Variants in NEGR1 observed in about 807,000 individuals in gnomAD.
NEGR1 encodes IgLON family member 4.
NEGR1 carries 10 observed loss-of-function variants against 40.9 expected under a neutral mutation model. The ratio of observed to expected loss-of-function variants is 0.24; its 90% confidence interval spans 0.15 to 0.42. The LOEUF (loss-of-function observed/expected upper bound fraction) is 0.42, where lower values mean the gene tolerates loss of function less well. Ranked by LOEUF, NEGR1 falls within the 10% of genes least tolerant of loss-of-function variation. The pLI, the probability that NEGR1 is intolerant of heterozygous loss-of-function variation, is 1.00. For synonymous variants in NEGR1, 185 were observed against 166.8 expected (o/e 1.11, Z -0.84); for missense variants, 352 against 438.9 (o/e 0.80, Z 1.77).
intron 1 of NEGR1, among the ~76,000 whole-genome samples, chr1:71,977,377 C>G (rs2100331263): frequency 6.6e-6 from 1 of 152,022 alleles, no homozygotes; most frequent in South Asian, 2.1e-4. Flanking sequence ...AAACAAAAAA[C>G]TAGAAAGTGC....
intron 2 of NEGR1, among the ~76,000 whole-genome samples, chr1:71,869,426 A>C (rs1414451354): frequency 2.6e-5 from 4 of 152,194 alleles, no homozygotes; most frequent in Non-Finnish European, 5.9e-5. Flanking sequence ...GTTAAAAATA[A>C]ATCTGAATAA....
intron 1 of NEGR1, among the ~76,000 whole-genome samples, chr1:72,055,991 T>C (rs889627587): frequency 1.3e-5 from 2 of 150,806 alleles, no homozygotes; most frequent in South Asian, 2.1e-4. Flanking sequence ...AATTCTGGTA[T>C]TAATTCTATA....
intron 1 of NEGR1, among the ~76,000 whole-genome samples, chr1:72,091,737 C>T (rs1648507874): frequency 6.6e-6 from 1 of 152,058 alleles, no homozygotes; most frequent in South Asian, 2.1e-4. Flanking sequence ...TGCGTTGCCA[C>T]AAAATACCCT....
chr1:71,620,758 T>C (rs192077378), intron 4 of NEGR1, among the ~76,000 whole-genome samples: 1 of 152,058 alleles, frequency 6.6e-6, no homozygotes, highest in East Asian at 1.9e-4. Context: ...GAAAATAATC[T>C]AGTTTGTAAT....
chr1:72,222,020 C>T (rs1442132796), intron 1 of NEGR1, among the ~76,000 whole-genome samples: 1 of 152,016 alleles, frequency 6.6e-6, no homozygotes, highest in African/African-American at 2.4e-5. Context: ...TCCAGACTGA[C>T]CCTGACACTG....
chr1:72,181,498 T>C (rs928020786), intron 1 of NEGR1, among the ~76,000 whole-genome samples: 4 of 152,064 alleles, frequency 2.6e-5, no homozygotes, highest in African/African-American at 4.8e-5. Flanking sequence ...AAAAACACTA[T>C]GGAATGTTCT....
chr1:72,197,634 T>C (rs895158235), intron 1 of NEGR1, among the ~76,000 whole-genome samples: 1 of 152,034 alleles, frequency 6.6e-6, no homozygotes, highest in Non-Finnish European at 1.5e-5. Flanking sequence ...CTTGACAATA[T>C]ATATTTCCAA....
chr1:71,741,649 G>C (rs1655217125), intron 3 of NEGR1, among the ~76,000 whole-genome samples: 1 of 152,128 alleles, frequency 6.6e-6, no homozygotes. Flanking sequence ...AAGTACATTA[G>C]ACCATTCTTT....
intron 2 of NEGR1, among the ~76,000 whole-genome samples, chr1:71,914,637 C>G (rs181712507): frequency 6.6e-6 from 1 of 152,288 alleles, no homozygotes; most frequent in Admixed American, 6.5e-5. Context: ...ATAGTTTACA[C>G]AAAGCATCCA....
intron 2 of NEGR1, among the ~76,000 whole-genome samples, chr1:71,907,474 A>C (rs1661308547): frequency 6.6e-6 from 1 of 152,234 alleles, no homozygotes; most frequent in African/African-American, 2.4e-5. Context: ...TCTCACACCA[A>C]TCTGGATGGC....
intron 1 of NEGR1, among the ~76,000 whole-genome samples, chr1:72,017,921 A>T: frequency 6.6e-6 from 1 of 152,098 alleles, no homozygotes; most frequent in East Asian, 1.9e-4. Context: ...ACATTTTCTA[A>T]TTTCCAAAAT....
chr1:71,712,802 T>C (rs1654146354), intron 3 of NEGR1, among the ~76,000 whole-genome samples: 1 of 152,166 alleles, frequency 6.6e-6, no homozygotes, highest in Non-Finnish European at 1.5e-5. Context: ...GTTCTCATGA[T>C]AGTGAGTGAG....
intron 1 of NEGR1, among the ~76,000 whole-genome samples, chr1:72,155,194 C>T (rs182130778): frequency 3.3e-5 from 5 of 152,070 alleles, no homozygotes; most frequent in East Asian, 1.9e-4. Flanking sequence ...AAAACCACTA[C>T]GACTTTTATC....
intron 1 of NEGR1, among the ~76,000 whole-genome samples, chr1:71,972,234 C>A (rs1646262399): frequency 6.6e-6 from 1 of 152,104 alleles, no homozygotes; most frequent in African/African-American, 2.4e-5. Context: ...TATTACAAAG[C>A]TTTTCAAATT....
At chr1:71,434,820 G>A (rs1361666378) in intron 6 of NEGR1, among the ~76,000 whole-genome samples, 2 of 152,194 alleles carry the variant, frequency 1.3e-5, no homozygotes, top group Non-Finnish European at 1.5e-5. Context: ...GGCCGGGCGC[G>A]GTGGCTCACG....
intron 6 of NEGR1, among the ~76,000 whole-genome samples, chr1:71,473,471 A>G (rs1161040335): frequency 2.0e-5 from 3 of 152,136 alleles, no homozygotes; most frequent in Admixed American, 1.3e-4. Context: ...AACTGGGAGT[A>G]AAAGAGTTAA....
chr1:72,236,153 A>G (rs1463784681), intron 1 of NEGR1, among the ~76,000 whole-genome samples: 1 of 152,058 alleles, frequency 6.6e-6, no homozygotes, highest in East Asian at 1.9e-4. Context: ...GAAGCTGGAA[A>G]CCATCCTTCT....
intron 1 of NEGR1, among the ~76,000 whole-genome samples, chr1:72,227,551 AAG>A (rs1462212573): frequency 1.3e-5 from 2 of 152,078 alleles, no homozygotes; most frequent in African/African-American, 4.8e-5. Context: ...TACCAGGAGT[AAG>A]AGAGTTTAAA....
chr1:71,605,323 A>C (rs1191389220), intron 5 of NEGR1, among the ~76,000 whole-genome samples: 2 of 152,190 alleles, frequency 1.3e-5, no homozygotes, highest in Non-Finnish European at 2.9e-5. Context: ...GGAGCAGTTA[A>C]AATGGTCATG....
Sources: allele counts gnomAD v4.1 joint callset (sites outside exome capture counted in the v4.1 genomes callset), GRCh38; gene constraint gnomAD v4.1.1; transcripts MANE v1.5; gene names NCBI Gene and HGNC (gene_info 2026-07-23, HGNC 2026-07-21).